SASH1: variants seen among roughly 807,000 people sequenced by gnomAD.
The protein encoded by SASH1 is SAM and SH3 domain-containing protein 1.
SASH1 carries 44 observed loss-of-function variants against 125.2 expected under a neutral mutation model. The ratio of observed to expected loss-of-function variants is 0.35; its 90% CI spans 0.28 to 0.45. The LOEUF is 0.45. SASH1 is among the 20% of genes least tolerant of loss of function. SASH1 has a pLI of 1.00. For missense variants in SASH1, 1,426 were observed against 1,614.5 expected, an observed-to-expected ratio of 0.88 and a Z score of 2.00; for synonymous variants, 639 against 649.1, an observed-to-expected ratio of 0.98 and a Z score of 0.24.
chr6:148,376,644 A>G (rs1421803843), intron 1 of SASH1, among the ~76,000 whole-genome samples: 1 of 151,414 alleles, frequency 6.6e-6, no homozygotes, highest in Non-Finnish European at 1.5e-5. Flanking sequence ...AGAGCATCAC[A>G]TTGAGCCCAG....
chr6:148,245,610 G>A, the SASH1 span, among the ~76,000 whole-genome samples: 8 of 151,950 alleles, frequency 5.3e-5, no homozygotes, highest in East Asian at 5.8e-4. Flanking sequence ...TTTTTCTTTC[G>A]GAAGACATGT....
At chr6:148,412,603 A>C (rs987098947) in intron 2 of SASH1, among the ~76,000 whole-genome samples, 1 of 152,204 alleles carries the variant, frequency 6.6e-6, no homozygotes, top group African/African-American at 2.4e-5. Flanking sequence ...TATTTGGCTC[A>C]GGGTTCTTCA....
At chr6:148,472,156 C>T (rs1778148096) in intron 6 of SASH1, among the ~76,000 whole-genome samples, 1 of 152,178 alleles carries the variant, frequency 6.6e-6, no homozygotes, top group Non-Finnish European at 1.5e-5. Flanking sequence ...GATTCCAGTC[C>T]AGCTGAATGA....
chr6:148,265,443 T>C, the SASH1 span, among the ~76,000 whole-genome samples: 1 of 152,196 alleles, frequency 6.6e-6, no homozygotes, highest in African/African-American at 2.4e-5. Flanking sequence ...TCACTCTCTT[T>C]TTAGCACCAT....
intron 8 of SASH1, among the ~76,000 whole-genome samples, chr6:148,488,697 T>C (rs1301889705): frequency 6.6e-6 from 1 of 152,246 alleles, no homozygotes; most frequent in African/African-American, 2.4e-5. Flanking sequence ...ATCCTAATGG[T>C]GTGAAATGGT....
intron 1 of SASH1, among the ~76,000 whole-genome samples, chr6:148,372,333 C>T (rs372531828): frequency 2.6e-5 from 4 of 152,136 alleles, no homozygotes; most frequent in South Asian, 2.1e-4. Flanking sequence ...TAAACATAGA[C>T]GTGCCAGATG....
At chr6:148,296,550 T>C (rs1779770729) in intron 1 of SASH1, among the ~76,000 whole-genome samples, 2 of 152,214 alleles carry the variant, frequency 1.3e-5, no homozygotes, top group African/African-American at 4.8e-5. Flanking sequence ...ATGGGATTCA[T>C]TGTATTCATG....
chr6:148,437,648 C>T (rs898743409), intron 2 of SASH1, among the ~76,000 whole-genome samples: 3 of 152,154 alleles, frequency 2.0e-5, no homozygotes, highest in Non-Finnish European at 4.4e-5. Flanking sequence ...CACAAGACGG[C>T]ATTGCGTGAT....
At chr6:148,237,497 T>C in the SASH1 span, 1 of 152,222 alleles carries the variant, frequency 6.6e-6, no homozygotes, top group Non-Finnish European at 1.5e-5. Flanking sequence ...ATGGATTTCA[T>C]TATTCCATTT....
At chr6:148,255,628 GC>G in the SASH1 span, among the ~76,000 whole-genome samples, 1 of 151,940 alleles carries the variant, frequency 6.6e-6, no homozygotes, top group Non-Finnish European at 1.5e-5. Flanking sequence ...AATCACTGAG[GC>G]TTTTTTTTTA....
chr6:148,365,402 C>A (rs1782408522), intron 1 of SASH1, among the ~76,000 whole-genome samples: 1 of 142,242 alleles, frequency 7.0e-6, no homozygotes, highest in South Asian at 2.3e-4. Flanking sequence ...GGATCAAATT[C>A]TTTTACTATC....
At position 148,529,546 on chromosome 6, in the gene SASH1, A is replaced by AAGAT. The variant is rs1781386881; in HGVS notation, c.1428+1955_1428+1958dup. Among the ~76,000 whole-genome samples, 1 of 150,902 alleles carries AAGAT rather than the reference A, an allele frequency of 6.6e-6. No individual in the cohort carries two copies. The highest frequency in any genetic ancestry group is 2.5e-5 in the African/African-American group (1 of 40,792). On this transcript the variant is annotated intron_variant, in intron 12 of 19. Coordinates refer to ENST00000367467, the MANE Select transcript of SASH1 (RefSeq NM_015278.5). The surrounding 1 kb of genome is among the most constrained non-coding windows in gnomAD (Gnocchi z 4.2). ...CATTTTATTAAGTTTGCTTTTCCCC[A>AAGAT]AGATAGATTGAAACAGCCACTAAAA... is the stretch of plus-strand genomic sequence containing the variant.
At chr6:148,319,401 G>C (rs1244527341) in intron 1 of SASH1, among the ~76,000 whole-genome samples, 1 of 151,944 alleles carries the variant, frequency 6.6e-6, no homozygotes, top group Admixed American at 6.6e-5. Context: ...AATCACCGTA[G>C]TCCTCCCTTA....
At chr6:148,464,542 C>T (rs1044313291) in intron 4 of SASH1, among the ~76,000 whole-genome samples, 8 of 152,162 alleles carry the variant, frequency 5.3e-5, no homozygotes, top group African/African-American at 9.7e-5. Flanking sequence ...TTGGAGCTGA[C>T]GTCTGAGCAT....
chr6:148,509,696 G>A (rs191951727), intron 8 of SASH1, among the ~76,000 whole-genome samples: 60 of 152,342 alleles, frequency 3.9e-4, no homozygotes, highest in East Asian at 9.6e-4. Context: ...TACAGGGTCC[G>A]GTGAAGTATC....
intron 1 of SASH1, among the ~76,000 whole-genome samples, chr6:148,337,292 C>T (rs1000530805): frequency 4.5e-4 from 67 of 149,780 alleles, no homozygotes; most frequent in African/African-American, 1.5e-3. Context: ...GACGCAATCT[C>T]GGCTCACTGC....
the SASH1 span, among the ~76,000 whole-genome samples, chr6:148,262,606 G>A: frequency 3.3e-5 from 5 of 152,214 alleles, no homozygotes; most frequent in African/African-American, 4.8e-5. Context: ...AATGAAGGCC[G>A]GGCAAGATGG....
chr6:148,391,123 T>C (rs1314604833), intron 2 of SASH1, among the ~76,000 whole-genome samples: 1 of 152,010 alleles, frequency 6.6e-6, no homozygotes, highest in African/African-American at 2.4e-5. Flanking sequence ...TTTTTTTTTT[T>C]TTTGAGACGG....
At chr6:148,217,127 G>A in the SASH1 span, among the ~76,000 whole-genome samples, 3 of 152,242 alleles carry the variant, frequency 2.0e-5, no homozygotes, top group Admixed American at 6.5e-5. Context: ...GCTATAAAGC[G>A]CTTACCACTA....
Sources: gnomAD v4.1 joint callset for allele counts (sites outside exome capture counted in the v4.1 genomes callset) on GRCh38, gnomAD v4.1.1 for gene constraint, Gnocchi (gnomAD v3.1) non-coding constraint, MANE v1.5 for transcripts, NCBI Gene and HGNC (gene_info 2026-07-23, HGNC 2026-07-21) for gene names.